Variants in MED13L observed in about 807,000 individuals in gnomAD.
MED13L encodes mediator complex subunit 13L.
In MED13L, 7 loss-of-function variants were observed where a neutral mutation model predicts 220.9. The observed-to-expected ratio is 0.03, with a 90% CI of 0.02 to 0.06. The LOEUF is 0.06. Ranked by LOEUF, MED13L falls within the 10% of genes least tolerant of loss-of-function variation. The probability of loss-of-function intolerance (pLI) is 1.00; values close to 1 mark genes in which losing one functional copy is unlikely to be tolerated. For missense variants in MED13L, 1,965 were observed against 2,760.5 expected (o/e 0.71, Z 6.46); for synonymous variants, 1,011 against 1,015.2 (o/e 1.00, Z 0.08).
rs1325346612 is a variant in MED13L, at chr12:116,171,566, C to T, written c.311-60054G>A. On this transcript the variant is annotated intron_variant, in intron 2 of 30. Transcript: ENST00000281928. ...ACAGAATCCTCTGATTTAGCCCCAT[C>T]CCAACCACCTTCCTCTTGCAATGGC... Among the ~76,000 whole-genome samples the T allele has an allele frequency of 2.6e-5, 4 of 152,218 alleles. No homozygotes were observed. In the South Asian group the frequency reaches 6.2e-4, roughly 24 times the overall value.
intron 4 of MED13L, among the ~76,000 whole-genome samples, chr12:116,031,753 AAGAAAAGAAGGAAGGAAG>A (rs1566020880): frequency 1.8e-4 from 3 of 16,262 alleles, no homozygotes; most frequent in African/African-American, 9.3e-4. Flanking sequence ...AAGAAAAGAA[AAGAAAAGAAGGAAGGAAG>A]GAAGGAAGGA....
intron 14 of MED13L, among the ~76,000 whole-genome samples, chr12:115,999,348 G>A (rs564488815): frequency 9.6e-4 from 145 of 151,496 alleles, no homozygotes; most frequent in Non-Finnish European, 1.4e-3. Flanking sequence ...CCGAGATCTC[G>A]CCACTGCAAT....
intron 2 of MED13L, among the ~76,000 whole-genome samples, chr12:116,148,076 A>AAAAAAAAAAAG (rs1264462636): frequency 2.0e-5 from 1 of 50,556 alleles, no homozygotes; most frequent in African/African-American, 7.9e-5. Context: ...AAAAAAAAAG[A>AAAAAAAAAAAG]GGGGGGCGGG....
chr12:115,967,299 T>TTC (rs1233556635), intron 28 of MED13L, among the ~76,000 whole-genome samples: 1 of 151,884 alleles, frequency 6.6e-6, no homozygotes, highest in Non-Finnish European at 1.5e-5. Context: ...TTTGAACGCA[T>TTC]TCTCTTCCCT....
intron 1 of MED13L, among the ~76,000 whole-genome samples, chr12:116,270,169 C>T (rs1164441098): frequency 1.3e-5 from 2 of 149,368 alleles, no homozygotes; most frequent in African/African-American, 2.5e-5. Context: ...TTGAGACAGA[C>T]TCTCGCTCTG....
chr12:116,068,253 C>CA (rs1407663175), intron 4 of MED13L, among the ~76,000 whole-genome samples: 1 of 152,170 alleles, frequency 6.6e-6, no homozygotes, highest in Non-Finnish European at 1.5e-5. Flanking sequence ...AATGGGACAA[C>CA]AAAGCACACT....
At chr12:116,186,646 T>C (rs974464818) in intron 2 of MED13L, among the ~76,000 whole-genome samples, 2 of 152,126 alleles carry the variant, frequency 1.3e-5, no homozygotes, top group African/African-American at 4.8e-5. Context: ...GTGAGGAAAG[T>C]GCAAAAGCTG....
chr12:115,970,392 G>A (rs772834068), intron 27 of MED13L, among the ~76,000 whole-genome samples: 12 of 152,194 alleles, frequency 7.9e-5, no homozygotes, highest in Non-Finnish European at 1.6e-4. Context: ...CCCAAACAAG[G>A]AAAATATTTA....
intron 30 of MED13L, among the ~76,000 whole-genome samples, chr12:115,962,243 T>G (rs1334447406): frequency 6.6e-6 from 1 of 152,112 alleles, no homozygotes; most frequent in Non-Finnish European, 1.5e-5. Context: ...TGGAAGACAA[T>G]TTTTCCACGT....
At position 116,237,628 on chromosome 12, in the gene MED13L, T is replaced by A. The variant is rs778797919; in HGVS notation, c.150A>T (p.Pro50=). The A allele has an allele frequency of 8.7e-6, 14 of 1,614,180 alleles. No individual in the cohort carries two copies. The highest frequency in any genetic ancestry group is 1.2e-5 in the Non-Finnish European group (14 of 1,180,038). ...HGDCGPIISA[P]AQDDPILLSF... is the part of the protein sequence containing the mutation. ...TTAACAGAATTGGATCATCTTGGGC[T>A]GGGGCTGAAATTATGGGTCCACAGT... Residue 50 remains proline, a synonymous_variant, in exon 2 of 31, where the codon CCA becomes CCT. Coordinates refer to ENST00000281928, the MANE Select transcript of MED13L (RefSeq NM_015335.5).
chr12:116,242,711 T>A (rs1437925745), intron 1 of MED13L, among the ~76,000 whole-genome samples: 1 of 152,186 alleles, frequency 6.6e-6, no homozygotes, highest in Non-Finnish European at 1.5e-5. Context: ...CATATATAAT[T>A]TATAAACTTC....
At chr12:116,110,871 A>C (rs1175621194) in intron 3 of MED13L, among the ~76,000 whole-genome samples, 1 of 152,180 alleles carries the variant, frequency 6.6e-6, no homozygotes, top group Admixed American at 6.5e-5. Context: ...TGAACTCATC[A>C]AAAATATCAA....
intron 3 of MED13L, among the ~76,000 whole-genome samples, chr12:116,098,567 T>C (rs938814668): frequency 2.0e-5 from 3 of 152,142 alleles, no homozygotes; most frequent in Admixed American, 2.0e-4. Flanking sequence ...CATTACAGGT[T>C]AGATGGGTTA....
At position 116,261,630 on chromosome 12, in the gene MED13L, A is replaced by T. The variant is rs147170788; in HGVS notation, c.72+15430T>A. Among the ~76,000 whole-genome samples the T allele has an allele frequency of 9.2e-4, 140 of 152,246 alleles. 1 individual carries two copies. Among genetic ancestry groups the T allele is most frequent in the African/African-American group, 3.2e-3 (135 of 41,542 alleles). ...AAGCAAGAACCCAGGCTCAGTGAAT[A>T]CTTTCTTATATACACAATTGTGATC... On this transcript the variant is annotated intron_variant, in intron 1 of 30. Coordinates refer to ENST00000281928, the MANE Select transcript of MED13L (RefSeq NM_015335.5).
At chr12:115,979,588 T>C (rs1000082451) in intron 23 of MED13L, among the ~76,000 whole-genome samples, 1 of 152,250 alleles carries the variant, frequency 6.6e-6, no homozygotes, top group African/African-American at 2.4e-5. Context: ...ACAAACACAG[T>C]GTTAACTACT....
chr12:116,227,477 A>C (rs1363543130), intron 2 of MED13L, among the ~76,000 whole-genome samples: 1 of 152,206 alleles, frequency 6.6e-6, no homozygotes, highest in Non-Finnish European at 1.5e-5. Flanking sequence ...CATGTGCTCA[A>C]TTCTTGTGTC....
At chr12:116,172,942 A>C (rs1879785924) in intron 2 of MED13L, among the ~76,000 whole-genome samples, 1 of 151,832 alleles carries the variant, frequency 6.6e-6, no homozygotes, top group South Asian at 2.1e-4. Context: ...AAAAAAAAAA[A>C]AAACAAGTAC....
chr12:116,087,131 AT>A (rs988758767), intron 4 of MED13L, among the ~76,000 whole-genome samples: 7 of 152,040 alleles, frequency 4.6e-5, no homozygotes, highest in East Asian at 1.9e-4. Context: ...AATTCTCCTT[AT>A]TTTTTTCTAA....
chr12:116,002,999 C>T lies in MED13L; in HGVS notation c.2569+4G>A. On this transcript the variant is annotated splice_donor_region_variant and intron_variant, in intron 14 of 30. Transcript: ENST00000281928. ...CAATGGCTCAGTCAAGTTTCTCTAC[C>T]TACTTGGTGGATAAGGAACAGCAGC... 3 of 1,611,396 alleles carry T rather than the reference C, an allele frequency of 1.9e-6. No individual in the cohort carries two copies. Among genetic ancestry groups the T allele is most frequent in the Non-Finnish European group, 2.5e-6 (3 of 1,177,488 alleles).
Sources: allele counts gnomAD v4.1 joint callset (sites outside exome capture counted in the v4.1 genomes callset), GRCh38; gene constraint gnomAD v4.1.1; transcripts MANE v1.5; gene names NCBI Gene and HGNC (gene_info 2026-07-23, HGNC 2026-07-21).